SMIM7: variants seen among roughly 807,000 people sequenced by gnomAD.
The protein encoded by SMIM7 is UPF0608 protein C19orf42.
A neutral mutation model predicts 13.3 loss-of-function variants in SMIM7; 12 were observed. That is an observed-to-expected ratio of 0.90 (90% CI 0.58 to 1.46). SMIM7 has a LOEUF of 1.46. Ranked by LOEUF, SMIM7 falls within the 40% of genes most tolerant of loss-of-function variation. The pLI is 0.00. For synonymous variants in SMIM7, 36 were observed against 35.8 expected (o/e 1.01, Z -0.02); for missense variants, 114 against 94.8 (o/e 1.20, Z -0.84).
downstream of SMIM7, among the ~76,000 whole-genome samples, chr19:16,643,664 T>TG (rs1237794178): frequency 6.6e-6 from 1 of 152,186 alleles, no homozygotes; most frequent in Non-Finnish European, 1.5e-5. Flanking sequence ...CCTAAAGTGC[T>TG]GGGATTACAG....
chr19:16,642,155 C>G (rs866431949), downstream of SMIM7, among the ~76,000 whole-genome samples: 1 of 152,222 alleles, frequency 6.6e-6, no homozygotes, highest in African/African-American at 2.4e-5. Flanking sequence ...CAGCCTGTAG[C>G]CTTGTTTTCT....
intron 4 of SMIM7, among the ~76,000 whole-genome samples, chr19:16,635,899 A>AAATATATATAT (rs1200181092): frequency 9.1e-6 from 1 of 109,580 alleles, no homozygotes; most frequent in African/African-American, 4.3e-5. Context: ...AAAAAAAAAA[A>AAATATATATAT]ATATATATAT....
rs761682575 is a variant in SMIM7 at position 16,659,203 on chromosome 19, A to C, written c.121+192T>G. 4.1e-5 allele frequency: 27 copies of C among 660,758 alleles called. 1 individual carries two copies. In the South Asian group the frequency reaches 4.4e-4, roughly 11 times the overall value. 40.9% of individuals were successfully genotyped at this position (660,758 alleles called of 1,614,324 possible). ...GGGGCTGAGGTGGAAGGATCACTTT[A>C]GCTCAGGAGGTCGAGTCTGCAGTGA... On this transcript the variant is annotated intron_variant, in intron 3 of 4. Transcript: ENST00000487416.
chr19:16,659,787 C>CG (rs1227959940), intron 2 of SMIM7, 172 bp downstream of exon 2: 27 of 828,076 alleles, frequency 3.3e-5, no homozygotes, highest in Non-Finnish European at 4.9e-5. Context: ...TAAGGTCTCT[C>CG]GGGGGGTGGG....
rs1390257128 is a variant in SMIM7, at chr19:16,660,127, T to C, written c.-17A>G. The stretch of plus-strand genomic sequence containing the variant: ...TCCGATCATCGTTACGGCCGAAGCG[T>C]CCGTCAGAACCGGAAGCGGAAGCCC... On this transcript the variant is annotated 5_prime_UTR_variant, in exon 1 of 5. Coordinates refer to ENST00000487416, the MANE Select transcript of SMIM7 (RefSeq NM_024104.4). The C allele has an allele frequency of 3.1e-6, 5 of 1,613,902 alleles. No individual in the cohort carries two copies. The highest frequency in any genetic ancestry group is 3.4e-6 in the Non-Finnish European group (4 of 1,180,008).
chr19:16,659,753 A>C, intron 2 of SMIM7: 1 of 697,364 alleles, frequency 1.4e-6, no homozygotes, highest in Non-Finnish European at 2.4e-6. Context: ...CAGAGGGACA[A>C]CCAAGGAACG....
chr19:16,654,214 C>G, intron 3 of SMIM7, 89 bp from the exon 4 acceptor site: 1 of 1,086,402 alleles, frequency 9.2e-7, no homozygotes, highest in Non-Finnish European at 1.4e-6. Context: ...CTTCCACCCA[C>G]CCGGCGCTTG....
chr19:16,644,206 C>T (rs1189928984), downstream of SMIM7, among the ~76,000 whole-genome samples: 4 of 150,058 alleles, frequency 2.7e-5, no homozygotes, highest in South Asian at 2.1e-4. Context: ...CTGCAACCTC[C>T]GCCTCCCTGG....
downstream of SMIM7, chr19:16,644,891 A>T (rs1300682122): frequency 1.3e-5 from 2 of 152,106 alleles, no homozygotes; most frequent in Non-Finnish European, 2.9e-5. Context: ...ACTTACAACA[A>T]CCTTAGGCAC....
chr19:16,658,288 C>T (rs1036992696), intron 3 of SMIM7, among the ~76,000 whole-genome samples: 10 of 152,238 alleles, frequency 6.6e-5, no homozygotes, highest in Admixed American at 5.9e-4. Context: ...TGTCTTACCC[C>T]TGCTGTACCC....
chr19:16,638,201 AG>A (rs752758107), intron 4 of SMIM7, among the ~76,000 whole-genome samples: 6 of 151,712 alleles, frequency 4.0e-5, no homozygotes, highest in Non-Finnish European at 5.9e-5. Context: ...CCGGAGGCGG[AG>A]GTTGCAGTAA....
downstream of SMIM7, among the ~76,000 whole-genome samples, chr19:16,641,695 T>C (rs565147149): frequency 2.6e-5 from 4 of 152,162 alleles, no homozygotes; most frequent in South Asian, 4.2e-4. Context: ...ACCTCCTGGG[T>C]TCAAGCAATT....
At chr19:16,650,108 G>A (rs1370218304) in intron 4 of SMIM7, among the ~76,000 whole-genome samples, 1 of 152,072 alleles carries the variant, frequency 6.6e-6, no homozygotes, top group Non-Finnish European at 1.5e-5. Flanking sequence ...ACAGACTTCC[G>A]CCTTTTACTT....
At chr19:16,656,592 T>C (rs1487608204) in intron 3 of SMIM7, among the ~76,000 whole-genome samples, 1 of 150,476 alleles carries the variant, frequency 6.6e-6, no homozygotes, top group Non-Finnish European at 1.5e-5. Flanking sequence ...TGGGGAAGGG[T>C]GGGAGGTAAA....
intron 3 of SMIM7, among the ~76,000 whole-genome samples, chr19:16,656,838 G>A (rs1409958876): frequency 1.3e-5 from 2 of 152,002 alleles, no homozygotes; most frequent in Non-Finnish European, 2.9e-5. Context: ...AGCGGAGATT[G>A]CAGGGAGCTG....
chr19:16,639,164 C>T (rs1425592313), intron 4 of SMIM7, among the ~76,000 whole-genome samples: 1 of 150,820 alleles, frequency 6.6e-6, no homozygotes. Flanking sequence ...CTCTGTCGCC[C>T]AGGCTGGAGT....
At chr19:16,650,913 AC>A (rs1356754193) in intron 4 of SMIM7, among the ~76,000 whole-genome samples, 1 of 152,108 alleles carries the variant, frequency 6.6e-6, no homozygotes, top group Admixed American at 6.6e-5. Context: ...TGCACATTAC[AC>A]AGCTGAAGTT....
At chr19:16,649,393 T>C (rs1217153168) in intron 4 of SMIM7, among the ~76,000 whole-genome samples, 1 of 152,084 alleles carries the variant, frequency 6.6e-6, no homozygotes, top group African/African-American at 2.4e-5. Context: ...TTGGACAACA[T>C]GGTGAAACCC....
intron 2 of SMIM7, 169 bp downstream of exon 2, chr19:16,659,790 G>A (rs138204281): frequency 9.3e-5 from 79 of 846,636 alleles, no homozygotes; most frequent in East Asian, 2.6e-4. Flanking sequence ...GGTCTCTCGG[G>A]GGGTGGGGGG....
Sources: allele counts gnomAD v4.1 joint callset (sites outside exome capture counted in the v4.1 genomes callset), GRCh38; gene constraint gnomAD v4.1.1; transcripts MANE v1.5; gene names NCBI Gene and HGNC (gene_info 2026-07-23, HGNC 2026-07-21).